FGF12: variants seen among roughly 807,000 people sequenced by gnomAD.
FGF12 encodes the protein fibroblast growth factor 12, also known as fibroblast growth factor 12B.
In FGF12, 14 loss-of-function variants were observed where a neutral mutation model predicts 23.6. The ratio of observed to expected loss-of-function variants is 0.59; its 90% confidence interval spans 0.39 to 0.93. The LOEUF (loss-of-function observed/expected upper bound fraction) is 0.93, where lower values mean the gene tolerates loss of function less well. Ranked by LOEUF, FGF12 falls within the 40% of genes least tolerant of loss-of-function variation. The probability of loss-of-function intolerance (pLI) is 0.00; values close to 1 mark genes in which losing one functional copy is unlikely to be tolerated. For synonymous variants in FGF12, 62 were observed against 77.3 expected, an observed-to-expected ratio of 0.80 and a Z score of 1.04; for missense variants, 175 against 217.8, an observed-to-expected ratio of 0.80 and a Z score of 1.24.
Position 192,170,284 on chromosome 3 carries a change from G to GA in FGF12, c.427+173dup, listed in dbSNP as rs5855411. 7.5e-3 allele frequency among the ~76,000 whole-genome samples: 825 copies of GA among 109,434 alleles called. 6 individuals are homozygous for GA. Among genetic ancestry groups the GA allele is most frequent in the African/African-American group, 0.022 (686 of 31,870 alleles). The allele number at this position is 109,434 out of a possible 152,430, so 71.8% of individuals were successfully genotyped here. A position where few individuals can be genotyped will look rare whatever the true frequency, so the allele number is the denominator to read the frequency against. On this transcript the variant is annotated intron_variant, in intron 5 of 5. Transcript: ENST00000445105. Reference sequence around the variant, plus strand: ...GACAGAGCAAGACTCTGCCTCAAAAGAAAAAAAAAAAAAAAAAGGAAGAGA... The same window carrying GA: ...GACAGAGCAAGACTCTGCCTCAAAAGAAAAAAAAAAAAAAAAAAGGAAGAGA...
intron 2 of FGF12, among the ~76,000 whole-genome samples, chr3:192,630,175 G>C (rs1036324781): frequency 1.3e-5 from 2 of 152,074 alleles, no homozygotes; most frequent in Non-Finnish European, 2.9e-5. Context: ...CATGTGATGC[G>C]CCTGGTCCCT....
chr3:192,274,783 T>A (rs573296299), intron 4 of FGF12, among the ~76,000 whole-genome samples: 1 of 152,164 alleles, frequency 6.6e-6, no homozygotes, highest in Non-Finnish European at 1.5e-5. Flanking sequence ...AGAAACAAAG[T>A]TGCTAATAAC....
intron 2 of FGF12, among the ~76,000 whole-genome samples, chr3:192,575,047 A>T (rs535662620): frequency 6.6e-6 from 1 of 152,396 alleles, no homozygotes; most frequent in East Asian, 1.9e-4. Context: ...ATGGAATACA[A>T]CTAAGCAATA....
chr3:192,297,513 C>T (rs756698641), intron 4 of FGF12, among the ~76,000 whole-genome samples: 21 of 152,122 alleles, frequency 1.4e-4, no homozygotes, highest in South Asian at 4.1e-4. Context: ...GAGTTTAATA[C>T]GTCAATGCAG....
chr3:192,263,670 A>G (rs944797325), intron 4 of FGF12, among the ~76,000 whole-genome samples: 16 of 152,060 alleles, frequency 1.1e-4, no homozygotes, highest in Admixed American at 2.0e-4. Flanking sequence ...GTTGAGAAAC[A>G]TTGATTTAAA....
intron 4 of FGF12, among the ~76,000 whole-genome samples, chr3:192,297,889 C>G (rs917092125): frequency 6.6e-6 from 1 of 152,190 alleles, no homozygotes; most frequent in African/African-American, 2.4e-5. Context: ...CGAAAGCTCA[C>G]TTCTGTACTC....
At chr3:192,415,776 A>ACT (rs760675264) in intron 2 of FGF12, among the ~76,000 whole-genome samples, 16,869 of 142,112 alleles carry the variant, frequency 0.12, 1,083 homozygotes, top group Non-Finnish European at 0.14. Flanking sequence ...ACACACACAC[A>ACT]CTCATGTTCA....
Position 192,408,634 on chromosome 3 carries a change from T to C in FGF12, c.14-48096A>G, listed in dbSNP as rs1377807794. 10 of 1,043,210 alleles carry C rather than the reference T, an allele frequency of 9.6e-6. No individual in the cohort carries two copies. The highest frequency in any genetic ancestry group is 1.2e-5 in the Non-Finnish European group (10 of 866,178). The allele number at this position is 1,043,210 out of a possible 1,614,324, so 64.6% of individuals were successfully genotyped here. The stretch of plus-strand genomic sequence containing the variant: ...CCAAAATAACAAGACGTGCCTCTGT[T>C]GGAGAGGCGCAAGCGTTGTAAGGTG... On this transcript the variant is annotated intron_variant, in intron 2 of 5. Transcript: ENST00000445105. The surrounding 1 kb of genome is among the most constrained non-coding windows in gnomAD (Gnocchi z 7.3).
chr3:192,322,382 T>C (rs1716591237), intron 4 of FGF12, among the ~76,000 whole-genome samples: 1 of 151,992 alleles, frequency 6.6e-6, no homozygotes, highest in South Asian at 2.1e-4. Context: ...TGTTAAAATG[T>C]CCATACTACC....
intron 2 of FGF12, among the ~76,000 whole-genome samples, chr3:192,519,483 TAAC>T (rs1342176424): frequency 6.6e-6 from 1 of 152,198 alleles, no homozygotes; most frequent in Non-Finnish European, 1.5e-5. Flanking sequence ...TTAGTGGTAT[TAAC>T]CTTGATTGCC....
intron 4 of FGF12, among the ~76,000 whole-genome samples, chr3:192,285,148 A>T (rs1447808295): frequency 3.3e-5 from 5 of 152,074 alleles, no homozygotes; most frequent in Non-Finnish European, 1.5e-5. Flanking sequence ...ATGAAATGAA[A>T]TGTAATATAA....
intron 4 of FGF12, among the ~76,000 whole-genome samples, chr3:192,177,986 C>T (rs1229677217): frequency 6.6e-6 from 1 of 152,144 alleles, no homozygotes; most frequent in Non-Finnish European, 1.5e-5. Flanking sequence ...TTGCTATATT[C>T]TCTTCGTATT....
intron 4 of FGF12, among the ~76,000 whole-genome samples, chr3:192,270,450 A>G (rs1475652524): frequency 6.6e-6 from 1 of 152,130 alleles, no homozygotes; most frequent in Non-Finnish European, 1.5e-5. Context: ...TGAACTAAGA[A>G]GAGAAAAAGA....
At chr3:192,281,987 C>T (rs1180790624) in intron 4 of FGF12, among the ~76,000 whole-genome samples, 1 of 152,170 alleles carries the variant, frequency 6.6e-6, no homozygotes, top group Admixed American at 6.6e-5. Context: ...AACCTACACT[C>T]ATCTGACTGC....
At chr3:192,149,221 A>T (rs1204948205) in intron 5 of FGF12, among the ~76,000 whole-genome samples, 1 of 152,224 alleles carries the variant, frequency 6.6e-6, no homozygotes, top group Non-Finnish European at 1.5e-5. Context: ...GGTTTACGTG[A>T]TATGGATACA....
chr3:192,221,286 C>T (rs558663170), intron 4 of FGF12, among the ~76,000 whole-genome samples: 1 of 152,276 alleles, frequency 6.6e-6, no homozygotes, highest in East Asian at 1.9e-4. Context: ...AGCCTTCTCA[C>T]CTTAAAGCCA....
At chr3:192,221,391 A>C (rs971171684) in intron 4 of FGF12, among the ~76,000 whole-genome samples, 46 of 152,352 alleles carry the variant, frequency 3.0e-4, no homozygotes, top group Middle Eastern at 3.4e-3. Flanking sequence ...AATGCTATGC[A>C]TACGTAGTAC....
intron 2 of FGF12, among the ~76,000 whole-genome samples, chr3:192,574,870 G>C (rs1284812264): frequency 6.6e-6 from 1 of 152,320 alleles, no homozygotes; most frequent in Non-Finnish European, 1.5e-5. Flanking sequence ...CCCTGAACCA[G>C]AGCCACCCAG....
chr3:192,466,253 T>C (rs1232183936), intron 2 of FGF12, among the ~76,000 whole-genome samples: 1 of 152,234 alleles, frequency 6.6e-6, no homozygotes, highest in Non-Finnish European at 1.5e-5. Context: ...ATTACCATCA[T>C]ACAGGCAAGT....
Sources: allele counts gnomAD v4.1 joint callset (sites outside exome capture counted in the v4.1 genomes callset), GRCh38; gene constraint gnomAD v4.1.1; non-coding constraint Gnocchi (gnomAD v3.1); transcripts MANE v1.5; gene names NCBI Gene and HGNC (gene_info 2026-07-23, HGNC 2026-07-21).